Variants in TRPC5 observed in about 807,000 individuals in gnomAD.
TRPC5 encodes transient receptor potential cation channel subfamily C member 5.
TRPC5 carries 9 observed loss-of-function variants against 56.5 expected under a neutral mutation model. The observed-to-expected ratio is 0.16, with a 90% CI of 0.10 to 0.28. The LOEUF is 0.28. Ranked by LOEUF, TRPC5 falls within the 10% of genes least tolerant of loss-of-function variation. The pLI is 1.00. For missense variants in TRPC5, 469 were observed against 748.9 expected (o/e 0.63, Z 4.36); for synonymous variants, 282 against 278.5 (o/e 1.01, Z -0.13).
chrX:112,000,440 A>G (rs1928668254), intron 1 of TRPC5, among the ~76,000 whole-genome samples: 1 of 112,145 alleles, frequency 8.9e-6, no homozygotes, highest in African/African-American at 3.2e-5. Flanking sequence ...GATGATCTGG[A>G]CAGGGTTCAC....
chrX:111,852,657 A>T (rs1369796095), intron 4 of TRPC5, among the ~76,000 whole-genome samples: 1 of 111,717 alleles, frequency 9.0e-6, no homozygotes, highest in Non-Finnish European at 1.9e-5. Context: ...CCCATATGTT[A>T]TACTTTTCTG....
intron 3 of TRPC5, among the ~76,000 whole-genome samples, chrX:111,890,892 C>G (rs1237319726): frequency 9.0e-6 from 1 of 110,684 alleles, no homozygotes; most frequent in East Asian, 2.8e-4. Context: ...TCTGATAGGC[C>G]CCAGTGTGTG....
At chrX:111,787,700 A>C (rs1409661848) in intron 7 of TRPC5, among the ~76,000 whole-genome samples, 2 of 111,585 alleles carry the variant, frequency 1.8e-5, no homozygotes, top group African/African-American at 6.5e-5. Context: ...AGAAGAATCA[A>C]ATCGATGCAA....
intron 2 of TRPC5, among the ~76,000 whole-genome samples, chrX:111,938,489 C>T (rs1423464796): frequency 3.6e-5 from 4 of 111,380 alleles, no homozygotes; most frequent in Non-Finnish European, 5.6e-5. Context: ...AGGTTTGTCA[C>T]AGATAGCTCT....
intron 7 of TRPC5, among the ~76,000 whole-genome samples, chrX:111,825,149 T>TCC (rs1228201880): frequency 0.14 from 2,402 of 17,020 alleles, 223 homozygotes; most frequent in African/African-American, 0.22. Context: ...CTTCCTTCCT[T>TCC]TCTTTCTTTC....
In TRPC5 at chrX:111,976,951, G is replaced by A. The variant is rs370207290; in HGVS notation, c.-21-24510C>T. 1.3e-4 allele frequency among the ~76,000 whole-genome samples: 14 copies of A among 111,076 alleles called. No homozygotes were observed. The South Asian group carries it at 4.9e-3, about 39-fold the overall frequency. On this transcript the variant is annotated intron_variant, in intron 1 of 10. Transcript: ENST00000262839. ...TAACTTAACCAAAGAGTTGTAAGAC[G>A]TATGCACTGAAAATCATAAAATATT... is the stretch of plus-strand genomic sequence containing the variant.
intron 1 of TRPC5, among the ~76,000 whole-genome samples, chrX:111,993,569 T>G (rs1240489489): frequency 8.9e-6 from 1 of 112,247 alleles, no homozygotes; most frequent in Non-Finnish European, 1.9e-5. Context: ...ATCTGTGGTT[T>G]CCTGACTTTT....
intron 1 of TRPC5, among the ~76,000 whole-genome samples, chrX:111,973,040 G>A (rs764939931): frequency 3.3e-4 from 37 of 112,105 alleles, no homozygotes; most frequent in African/African-American, 1.2e-3. Flanking sequence ...AGCAGCTCAT[G>A]TGACCTTCAC....
At chrX:111,803,986 A>G (rs1295157550) in intron 7 of TRPC5, among the ~76,000 whole-genome samples, 1 of 112,097 alleles carries the variant, frequency 8.9e-6, no homozygotes, top group Non-Finnish European at 1.9e-5. Flanking sequence ...GGTTTTAGGT[A>G]TAACATTTAA....
At chrX:112,039,249 T>A (rs1449832260) in intron 1 of TRPC5, among the ~76,000 whole-genome samples, 2 of 111,814 alleles carry the variant, frequency 1.8e-5, no homozygotes, top group Non-Finnish European at 3.8e-5. Flanking sequence ...TTCACCTTTT[T>A]CAGAGAAATA....
intron 2 of TRPC5, among the ~76,000 whole-genome samples, chrX:111,946,541 C>A (rs1331902352): frequency 8.9e-6 from 1 of 112,023 alleles, no homozygotes; most frequent in Non-Finnish European, 1.9e-5. Context: ...TTACTAGCCT[C>A]CTTCTTGGAA....
chrX:111,887,583 T>G (rs1465447714), intron 3 of TRPC5, among the ~76,000 whole-genome samples: 1 of 111,987 alleles, frequency 8.9e-6, no homozygotes, highest in Non-Finnish European at 1.9e-5. Context: ...GTAGAATAGC[T>G]CTTGGGTAGA....
chrX:111,925,870 A>G (rs1429287820), intron 2 of TRPC5, among the ~76,000 whole-genome samples: 1 of 111,299 alleles, frequency 9.0e-6, no homozygotes, highest in African/African-American at 3.3e-5. Context: ...GGATCTCTCT[A>G]GGGCATTTTC....
chrX:111,922,613 T>A (rs1364297403), intron 2 of TRPC5, among the ~76,000 whole-genome samples: 1 of 112,317 alleles, frequency 8.9e-6, no homozygotes, highest in Non-Finnish European at 1.9e-5. Flanking sequence ...GATGTATGTG[T>A]TACTTTGGAG....
At chrX:111,866,845 A>G (rs896080744) in intron 3 of TRPC5, among the ~76,000 whole-genome samples, 10 of 112,417 alleles carry the variant, frequency 8.9e-5, no homozygotes, top group Admixed American at 4.7e-4. Flanking sequence ...TTAATGCCTG[A>G]TTCACATGCT....
chrX:112,071,347 A>AATAG (rs1430729561), intron 1 of TRPC5, among the ~76,000 whole-genome samples: 4 of 110,261 alleles, frequency 3.6e-5, no homozygotes, highest in African/African-American at 1.3e-4. Flanking sequence ...TAAATAAATA[A>AATAG]AAAGAATCCT....
chrX:111,966,542 A>G, intron 1 of TRPC5, among the ~76,000 whole-genome samples: 1 of 111,835 alleles, frequency 8.9e-6, no homozygotes, highest in East Asian at 2.8e-4. Context: ...AGAATTTTAG[A>G]CCAATATCCT....
At chrX:112,038,959 G>A (rs1474293590) in intron 1 of TRPC5, among the ~76,000 whole-genome samples, 3 of 108,085 alleles carry the variant, frequency 2.8e-5, no homozygotes, top group Non-Finnish European at 5.8e-5. Context: ...CAAAGTGCTG[G>A]GATTACAGGT....
intron 1 of TRPC5, among the ~76,000 whole-genome samples, chrX:112,005,369 T>A (rs1237450452): frequency 3.7e-5 from 4 of 107,218 alleles, no homozygotes; most frequent in African/African-American, 1.4e-4. Flanking sequence ...GCCTAATACC[T>A]GGGTGACGAA....
Sources: allele counts gnomAD v4.1 joint callset (sites outside exome capture counted in the v4.1 genomes callset), GRCh38; gene constraint gnomAD v4.1.1; transcripts MANE v1.5; gene names NCBI Gene and HGNC (gene_info 2026-07-23, HGNC 2026-07-21).